The following ATP10A variants were observed in gnomAD, a reference collection of about 807,000 sequenced individuals.
ATP10A encodes phospholipid-transporting ATPase VA.
In ATP10A, 111 loss-of-function variants were observed where a neutral mutation model predicts 147.8. That is an observed-to-expected ratio of 0.75 (90% CI 0.64 to 0.88). The LOEUF (loss-of-function observed/expected upper bound fraction) is 0.88. Ranked by LOEUF, ATP10A falls within the 40% of genes least tolerant of loss-of-function variation. The probability of loss-of-function intolerance (pLI) is 0.00; values close to 1 mark genes in which losing one functional copy is unlikely to be tolerated. For synonymous variants in ATP10A, 875 were observed against 841.6 expected (o/e 1.04, Z -0.69); for missense variants, 1,927 against 1,959.0 (o/e 0.98, Z 0.31).
At chr15:25,723,023 G>A (rs1326442856) in intron 6 of ATP10A, among the ~76,000 whole-genome samples, 1 of 152,184 alleles carries the variant, frequency 6.6e-6, no homozygotes, top group Non-Finnish European at 1.5e-5. Context: ...AAGGACTAGT[G>A]GGATCTGAAA....
intron 12 of ATP10A, among the ~76,000 whole-genome samples, chr15:25,706,297 G>C (rs1286511698): frequency 6.6e-6 from 1 of 152,184 alleles, no homozygotes; most frequent in African/African-American, 2.4e-5. Flanking sequence ...CTGCAGAGGA[G>C]AGGCCAGCTG....
chr15:25,690,272 C>G (rs553512726), intron 15 of ATP10A, among the ~76,000 whole-genome samples: 2 of 148,450 alleles, frequency 1.3e-5, no homozygotes, highest in Non-Finnish European at 3.0e-5. Context: ...GAGACTGGGT[C>G]TCATTGTATT....
chr15:25,786,391 G>T (rs1890159770), intron 1 of ATP10A, among the ~76,000 whole-genome samples: 1 of 152,172 alleles, frequency 6.6e-6, no homozygotes, highest in African/African-American at 2.4e-5. Context: ...GTAACTTCCA[G>T]TGGCACATCC....
intron 1 of ATP10A, among the ~76,000 whole-genome samples, chr15:25,805,655 A>T (rs1179047626): frequency 6.6e-6 from 1 of 152,188 alleles, no homozygotes; most frequent in Non-Finnish European, 1.5e-5. Context: ...CTTACATGGG[A>T]AGAACATGAA....
At chr15:25,698,838 T>A (rs1469439644) in intron 13 of ATP10A, among the ~76,000 whole-genome samples, 2 of 152,174 alleles carry the variant, frequency 1.3e-5, no homozygotes, top group African/African-American at 2.4e-5. Flanking sequence ...TATTGGGACA[T>A]AACCCCATCA....
intron 3 of ATP10A, among the ~76,000 whole-genome samples, chr15:25,734,114 C>A (rs1887124993): frequency 6.6e-6 from 1 of 152,214 alleles, no homozygotes; most frequent in Admixed American, 6.5e-5. Context: ...CCTCACCACA[C>A]TGCTAGAGAC....
chr15:25,862,289 C>T (rs1893795565), intron 1 of ATP10A: 1 of 504,428 alleles, frequency 2.0e-6, no homozygotes, highest in African/African-American at 1.9e-5. Flanking sequence ...GACTTCAGGC[C>T]AGGGGGCCAG....
At chr15:25,755,640 G>T (rs1888371098) in intron 2 of ATP10A, among the ~76,000 whole-genome samples, 1 of 152,170 alleles carries the variant, frequency 6.6e-6, no homozygotes, top group South Asian at 2.1e-4. Context: ...CTTAAAAACA[G>T]TCTGCCCAAC....
intron 14 of ATP10A, among the ~76,000 whole-genome samples, chr15:25,692,556 A>T (rs774398142): frequency 6.6e-6 from 1 of 152,190 alleles, no homozygotes; most frequent in Admixed American, 6.5e-5. Context: ...TGACTACAGG[A>T]TGTCTCTTCC....
At chr15:25,727,516 T>G (rs4906757) in intron 3 of ATP10A, among the ~76,000 whole-genome samples, 150,174 of 152,206 alleles carry the variant, frequency 0.99, 74,132 homozygotes, top group East Asian at 1. Flanking sequence ...TGGTGTTTAT[T>G]TGTTTTGCAG....
At position 25,679,417 on chromosome 15, in the gene ATP10A, G is replaced by A. The variant is rs753066840; in HGVS notation, c.4424C>T (p.Pro1475Leu). The stretch of plus-strand genomic sequence containing the variant: ...TTGAAGTCCTGATCGGCCTGAGTGG[G>A]GCTGGACAGGAAGTCCACGTCCCGC... ...GQAGRGLPVQPHSGRSGLQGP... is the reference protein window; with the variant it reads ...GQAGRGLPVQLHSGRSGLQGP... Residue 1475 changes from proline to leucine, a missense_variant, in exon 21 of 21, where the codon CCC (proline) becomes CTC (leucine). Pro to Leu is a moderately conservative substitution (Grantham distance 98, BLOSUM62 -3). Coordinates refer to ENST00000555815, the MANE Select transcript of ATP10A (RefSeq NM_024490.4). 1.2e-6 allele frequency: 2 copies of A among 1,613,610 alleles called. No individual in the cohort carries two copies. Among genetic ancestry groups the A allele is most frequent in the Non-Finnish European group, 1.7e-6 (2 of 1,179,618 alleles).
At chr15:25,782,861 G>C (rs1254236235) in intron 1 of ATP10A, among the ~76,000 whole-genome samples, 1 of 151,948 alleles carries the variant, frequency 6.6e-6, no homozygotes, top group Non-Finnish European at 1.5e-5. Flanking sequence ...CCTTGGAGAG[G>C]AAATCTCATT....
At chr15:25,806,556 C>T (rs1022020160) in intron 1 of ATP10A, among the ~76,000 whole-genome samples, 21 of 152,162 alleles carry the variant, frequency 1.4e-4, no homozygotes, top group African/African-American at 5.1e-4. Flanking sequence ...TCGTGATCCG[C>T]CCGCCTCAGC....
chr15:25,714,002 G>A lies in ATP10A; in HGVS notation c.2016C>T (p.Ser672=). The part of the protein sequence containing the change: ...TSAIASNGYS[S]QADNWASELA... ...GCTCCGAGGCCCAGTTGTCCGCCTGGCTGCTGTAGCCGTTGCTGGCGATGG... is the reference window on the plus strand; with the variant it reads ...GCTCCGAGGCCCAGTTGTCCGCCTGACTGCTGTAGCCGTTGCTGGCGATGG... The change falls in exon 10 of 21, where the codon AGC becomes AGT. Residue 672 remains serine (S), a synonymous_variant. Transcript: ENST00000555815. The A allele has an allele frequency of 6.2e-7, 1 of 1,610,008 alleles. No individual in the cohort carries two copies. Among genetic ancestry groups the A allele is most frequent in the Non-Finnish European group, 8.5e-7 (1 of 1,179,902 alleles).
intron 6 of ATP10A, among the ~76,000 whole-genome samples, chr15:25,722,401 CT>C (rs1323922017): frequency 6.6e-6 from 1 of 152,172 alleles, no homozygotes; most frequent in Non-Finnish European, 1.5e-5. Context: ...AGATGCTGGC[CT>C]TGTGATTCTG....
chr15:25,854,439 A>G (rs1044567950), intron 1 of ATP10A, among the ~76,000 whole-genome samples: 15 of 152,240 alleles, frequency 9.9e-5, no homozygotes, highest in African/African-American at 3.6e-4. Flanking sequence ...ATAGGGGGAA[A>G]GAAAATCCCT....
At chr15:25,858,506 TTTG>T (rs1392426983) in intron 1 of ATP10A, among the ~76,000 whole-genome samples, 2 of 152,006 alleles carry the variant, frequency 1.3e-5, no homozygotes, top group Non-Finnish European at 2.9e-5. Flanking sequence ...AAAGGAGGAC[TTTG>T]TTGAGTGAGA....
intron 1 of ATP10A, among the ~76,000 whole-genome samples, chr15:25,807,492 C>T (rs1313069161): frequency 1.3e-5 from 2 of 152,218 alleles, no homozygotes; most frequent in Non-Finnish European, 2.9e-5. Flanking sequence ...TTGTCATTCA[C>T]CAAATATTTT....
rs28827831 is a variant in ATP10A, at chr15:25,841,026, G to A, written c.449+21622C>T. On this transcript the variant is annotated intron_variant, in intron 1 of 20. Transcript: ENST00000555815. ...ATGTTCAATTTTGAGAGTTCTTTAC[G>A]TATTCTAGATATTAGTGCTTTGTTG... is the stretch of plus-strand genomic sequence containing the variant. Among the ~76,000 whole-genome samples the A allele has an allele frequency of 6.2e-3, 945 of 152,104 alleles. 12 individuals carry two copies. Among genetic ancestry groups the A allele is most frequent in the African/African-American group, 0.022 (898 of 41,490 alleles).
Sources: allele counts gnomAD v4.1 joint callset (sites outside exome capture counted in the v4.1 genomes callset), GRCh38; gene constraint gnomAD v4.1.1; transcripts MANE v1.5; gene names NCBI Gene and HGNC (gene_info 2026-07-23, HGNC 2026-07-21).